DLC1: variants seen among roughly 807,000 people sequenced by gnomAD.
DLC1 encodes the protein DLC1 Rho GTPase activating protein.
A neutral mutation model predicts 140.3 loss-of-function variants in DLC1; 54 were observed. The ratio of observed to expected loss-of-function variants is 0.38; its 90% CI spans 0.31 to 0.48. The LOEUF (loss-of-function observed/expected upper bound fraction) is 0.48. Among genes scored for constraint, DLC1 ranks in the 20% least tolerant of loss-of-function variants. DLC1 has a pLI of 0.96. For synonymous variants in DLC1, 986 were observed against 728.1 expected (o/e 1.35, Z -5.70); for missense variants, 2,536 against 1,907.0 (o/e 1.33, Z -6.14).
chr8:13,319,045 A>G lies in DLC1; in HGVS notation c.1315-13743T>C, dbSNP rs527981720. On this transcript the variant is annotated intron_variant, in intron 4 of 17. Transcript: ENST00000276297. ...CACTTAAAATAGAGCTGGCTTTTGC[A>G]GACCTGGAATTCTTCATCAATCAGC... Among the ~76,000 whole-genome samples the G allele has an allele frequency of 7.9e-5, 12 of 152,322 alleles. No homozygotes were observed. The East Asian group carries it at 2.3e-3, about 29-fold the overall frequency.
At chr8:13,332,452 A>C (rs576367995) in intron 4 of DLC1, among the ~76,000 whole-genome samples, 35 of 149,614 alleles carry the variant, frequency 2.3e-4, no homozygotes, top group Non-Finnish European at 4.4e-4. Context: ...TTTTTTTAAG[A>C]TGGGGTCTCG....
rs187374972 is a variant in DLC1 at position 13,201,826 on chromosome 8, T to C, written c.1349-86169A>G. ...TTTATTTATTTTATGTTCAGGGGTA[T>C]ATACATGCCGGTTTGTTATATAGGT... On this transcript the variant is annotated intron_variant, in intron 5 of 17. Transcript: ENST00000276297. Among the ~76,000 whole-genome samples, 487 of 152,156 alleles carry C rather than the reference T, an allele frequency of 3.2e-3. 1 individual carries two copies. The highest frequency in any genetic ancestry group is 0.01 in the Middle Eastern group (3 of 292).
intron 5 of DLC1, among the ~76,000 whole-genome samples, chr8:13,139,607 T>C (rs2128969374): frequency 6.6e-6 from 1 of 152,332 alleles, no homozygotes; most frequent in African/African-American, 2.4e-5. Context: ...TCAACCAGCA[T>C]GCTTTCCTGA....
intron 1 of DLC1, among the ~76,000 whole-genome samples, chr8:13,591,930 G>T (rs1192509204): frequency 6.6e-6 from 1 of 152,082 alleles, no homozygotes; most frequent in African/African-American, 2.4e-5. Context: ...CGAGTTCAGT[G>T]TACCTTGGAT....
At chr8:13,486,522 G>A (rs1050045233) in intron 2 of DLC1, among the ~76,000 whole-genome samples, 1 of 152,028 alleles carries the variant, frequency 6.6e-6, no homozygotes, top group Non-Finnish European at 1.5e-5. Flanking sequence ...CATTTTCTCT[G>A]TGGGGCAGCA....
intron 4 of DLC1, among the ~76,000 whole-genome samples, chr8:13,312,743 T>G (rs1189663486): frequency 2.0e-5 from 3 of 152,154 alleles, no homozygotes; most frequent in Non-Finnish European, 4.4e-5. Flanking sequence ...TTCTTCAGAA[T>G]TATTATTTTA....
intron 4 of DLC1, among the ~76,000 whole-genome samples, chr8:13,305,889 T>C (rs928489023): frequency 6.6e-6 from 1 of 152,136 alleles, no homozygotes; most frequent in Non-Finnish European, 1.5e-5. Context: ...ACACTTTGAA[T>C]TGGGGTAGAA....
intron 1 of DLC1, among the ~76,000 whole-genome samples, chr8:13,554,497 A>G (rs564881988): frequency 6.6e-6 from 1 of 152,192 alleles, no homozygotes; most frequent in South Asian, 2.1e-4. Context: ...TAAAATTTCC[A>G]AAAGCTACAC....
At chr8:13,527,554 T>A (rs913620402) in intron 1 of DLC1, among the ~76,000 whole-genome samples, 1 of 152,156 alleles carries the variant, frequency 6.6e-6, no homozygotes, top group African/African-American at 2.4e-5. Flanking sequence ...TTCTTCTCTT[T>A]GTTATTGATT....
chr8:13,119,537 T>C (rs1820857383), intron 5 of DLC1, among the ~76,000 whole-genome samples: 2 of 152,200 alleles, frequency 1.3e-5, no homozygotes, highest in Non-Finnish European at 2.9e-5. Flanking sequence ...AGGCCCTGTC[T>C]AAGCGCTAGT....
intron 1 of DLC1, among the ~76,000 whole-genome samples, chr8:13,538,710 G>C (rs1005559796): frequency 6.6e-6 from 1 of 152,164 alleles, no homozygotes; most frequent in African/African-American, 2.4e-5. Context: ...TGGACTTAAT[G>C]TCATTATGTA....
rs140717295 is a variant in DLC1 at position 13,085,756 on chromosome 8, A to G, written c.*55T>C. On this transcript the variant is annotated 3_prime_UTR_variant, in exon 18 of 18. Transcript: ENST00000276297. ...CAGAACCCATTCTTCAAGGACTGGC[A>G]AAAGTTCTAGAAACAAACACCATGG... is the stretch of plus-strand genomic sequence containing the variant. 2,370 of 1,609,528 alleles carry G rather than the reference A, an allele frequency of 1.5e-3. 3 individuals carry two copies. The highest frequency in any genetic ancestry group is 1.7e-3 in the Non-Finnish European group (1,968 of 1,177,300).
chr8:13,336,998 A>G (rs1261045037), intron 4 of DLC1, among the ~76,000 whole-genome samples: 1 of 152,214 alleles, frequency 6.6e-6, no homozygotes, highest in East Asian at 1.9e-4. Flanking sequence ...CAAGTAAAAC[A>G]AAATCAATTG....
At chr8:13,428,561 TG>T (rs1375161132) in intron 2 of DLC1, among the ~76,000 whole-genome samples, 1 of 152,210 alleles carries the variant, frequency 6.6e-6, no homozygotes, top group Admixed American at 6.5e-5. Flanking sequence ...TTTTATCTAT[TG>T]TTTTGTTTTT....
chr8:13,370,949 T>G (rs893075346), intron 4 of DLC1, among the ~76,000 whole-genome samples: 44 of 152,120 alleles, frequency 2.9e-4, no homozygotes, highest in Non-Finnish European at 2.9e-5. Context: ...GGAACTGCAG[T>G]GTTTAATGGC....
intron 1 of DLC1, among the ~76,000 whole-genome samples, chr8:13,554,824 A>C (rs558635162): frequency 7.9e-5 from 12 of 152,322 alleles, no homozygotes; most frequent in African/African-American, 2.6e-4. Flanking sequence ...ATATCTGTTA[A>C]GATGTCTGCT....
chr8:13,564,895 A>C (rs1320057526), intron 1 of DLC1, among the ~76,000 whole-genome samples: 1 of 152,154 alleles, frequency 6.6e-6, no homozygotes, highest in Non-Finnish European at 1.5e-5. Context: ...TATTCTTCAT[A>C]TCTCCCAATC....
At chr8:13,320,415 G>A (rs559263807) in intron 4 of DLC1, among the ~76,000 whole-genome samples, 1 of 151,938 alleles carries the variant, frequency 6.6e-6, no homozygotes, top group Admixed American at 6.6e-5. Flanking sequence ...TCTATCTTTT[G>A]GAATTAACAA....
intron 5 of DLC1, among the ~76,000 whole-genome samples, chr8:13,248,025 A>C (rs1043706766): frequency 6.6e-6 from 1 of 152,214 alleles, no homozygotes. Context: ...TTTAGTTACA[A>C]AACACAGTGC....
Sources: gnomAD v4.1 joint callset for allele counts (sites outside exome capture counted in the v4.1 genomes callset) on GRCh38, gnomAD v4.1.1 for gene constraint, MANE v1.5 for transcripts, NCBI Gene and HGNC (gene_info 2026-07-23, HGNC 2026-07-21) for gene names.